AGBL1: variants seen among roughly 807,000 people sequenced by gnomAD.
AGBL1 encodes cytosolic carboxypeptidase 4.
AGBL1 carries 130 observed loss-of-function variants against 118.9 expected under a neutral mutation model. The observed-to-expected ratio is 1.09, with a 90% CI of 0.95 to 1.26. The LOEUF is 1.26. AGBL1 is among the 50% of genes most tolerant of loss of function. AGBL1 has a pLI of 0.00. For missense variants in AGBL1, 1,584 were observed against 1,298.1 expected (o/e 1.22, Z -3.38); for synonymous variants, 555 against 478.9 (o/e 1.16, Z -2.08).
At chr15:86,975,586 C>T (rs1264774332) in intron 23 of AGBL1, among the ~76,000 whole-genome samples, 1 of 152,130 alleles carries the variant, frequency 6.6e-6, no homozygotes, top group African/African-American at 2.4e-5. Context: ...TCCCATTGCT[C>T]TCCATGCTCC....
chr15:86,465,429 T>A (rs1398192635), intron 18 of AGBL1, among the ~76,000 whole-genome samples: 5 of 152,156 alleles, frequency 3.3e-5, no homozygotes, highest in Admixed American at 3.3e-4. Flanking sequence ...AAGAACAGGA[T>A]AACAGAGATT....
In AGBL1 at chr15:86,781,424, G is replaced by A. The variant is rs148444550; in HGVS notation, c.3158+106988G>A. ...ATGTAACACCTCCTTTGTGGGAGTTGATATAAGAATTTAGTAGCAAACATG... is the reference window on the plus strand; with the variant it reads ...ATGTAACACCTCCTTTGTGGGAGTTAATATAAGAATTTAGTAGCAAACATG... On this transcript the variant is annotated intron_variant, in intron 22 of 22. Coordinates refer to ENST00000614907, the MANE Select transcript of AGBL1 (RefSeq NM_001386094.1). 2.2e-3 allele frequency among the ~76,000 whole-genome samples: 336 copies of A among 151,892 alleles called. 2 individuals carry two copies. The highest frequency in any genetic ancestry group is 7.8e-3 in the African/African-American group (323 of 41,440).
intron 23 of AGBL1, among the ~76,000 whole-genome samples, chr15:86,968,690 A>G (rs958620419): frequency 1.3e-5 from 2 of 151,878 alleles, no homozygotes; most frequent in Non-Finnish European, 2.9e-5. Flanking sequence ...TGGATTCAAT[A>G]TCTCTGTGCC....
Position 86,516,177 on chromosome 15 carries a change from T to C in AGBL1, c.2556-6633T>C, listed in dbSNP as rs183222372. ...ACAGGGCAGAGAAAGCCATTATATA[T>C]GCATTTGTCTCAGGTGAACGGAGGG... On this transcript the variant is annotated intron_variant, in intron 18 of 22. Transcript: ENST00000614907. Among the ~76,000 whole-genome samples, 3 of 152,318 alleles carry C rather than the reference T, an allele frequency of 2.0e-5. No individual in the cohort carries two copies. In the East Asian group the frequency reaches 5.8e-4, roughly 29 times the overall value.
intron 1 of AGBL1, among the ~76,000 whole-genome samples, chr15:86,139,456 G>A (rs72750280): frequency 0.11 from 17,147 of 152,250 alleles, 1,305 homozygotes; most frequent in Middle Eastern, 0.22. Context: ...GAACATTTTA[G>A]TGGATTTCTG....
chr15:86,724,039 T>C (rs1383466984), intron 22 of AGBL1, among the ~76,000 whole-genome samples: 1 of 151,822 alleles, frequency 6.6e-6, no homozygotes. Flanking sequence ...ATCGAGACCA[T>C]CCTGGCTAAC....
At position 86,776,750 on chromosome 15, in the gene AGBL1, ATGTGTGTG is replaced by A. The variant is rs10570012; in HGVS notation, c.3158+102347_3158+102354del. ...CAATGGCTTAGAATTATATATATATATGTGTGTGTGTGTGTGTGTGTGTGTGTGTGTGT... is the reference window on the plus strand; with the variant it reads ...CAATGGCTTAGAATTATATATATATATGTGTGTGTGTGTGTGTGTGTGTGT... On this transcript the variant is annotated intron_variant, in intron 22 of 22. Coordinates refer to ENST00000614907, the MANE Select transcript of AGBL1 (RefSeq NM_001386094.1). 8.5e-3 allele frequency among the ~76,000 whole-genome samples: 1,185 copies of A among 139,710 alleles called. 11 individuals carry two copies. The highest frequency in any genetic ancestry group is 0.014 in the East Asian group (66 of 4,584). The allele number at this position is 139,710 out of a possible 152,430, so 91.7% of individuals were successfully genotyped here.
chr15:86,591,627 A>G (rs553951874), intron 21 of AGBL1, among the ~76,000 whole-genome samples: 1 of 152,340 alleles, frequency 6.6e-6, no homozygotes, highest in African/African-American at 2.4e-5. Flanking sequence ...GTATGGAGGA[A>G]GTGGCACAGA....
At chr15:86,687,793 G>T (rs1441420704) in intron 22 of AGBL1, among the ~76,000 whole-genome samples, 4 of 152,034 alleles carry the variant, frequency 2.6e-5, no homozygotes, top group Admixed American at 6.6e-5. Context: ...CTATGTTCAG[G>T]TGTTTCTATT....
At chr15:86,581,713 C>T (rs1453361541) in intron 21 of AGBL1, among the ~76,000 whole-genome samples, 1 of 152,058 alleles carries the variant, frequency 6.6e-6, no homozygotes, top group East Asian at 1.9e-4. Context: ...ATCAAATCTT[C>T]CTCTCCCCCA....
At chr15:86,755,763 T>C (rs2077929692) in intron 22 of AGBL1, among the ~76,000 whole-genome samples, 1 of 152,152 alleles carries the variant, frequency 6.6e-6, no homozygotes, top group African/African-American at 2.4e-5. Context: ...CCAGCTATTC[T>C]TTCCTATTAG....
At chr15:86,260,769 G>C (rs1348448912) in intron 9 of AGBL1, among the ~76,000 whole-genome samples, 3 of 152,164 alleles carry the variant, frequency 2.0e-5, no homozygotes, top group Non-Finnish European at 4.4e-5. Context: ...ATGTCCAAAA[G>C]CTCCAACCTA....
intron 21 of AGBL1, among the ~76,000 whole-genome samples, chr15:86,672,906 T>G (rs1376597473): frequency 6.6e-6 from 1 of 152,084 alleles, no homozygotes; most frequent in Non-Finnish European, 1.5e-5. Flanking sequence ...AACTTGAGGA[T>G]TTTCTACCTT....
chr15:86,966,837 A>AAT (rs1314184105), intron 23 of AGBL1, among the ~76,000 whole-genome samples: 5 of 152,106 alleles, frequency 3.3e-5, no homozygotes, highest in Non-Finnish European at 7.3e-5. Context: ...TTGGGTATAT[A>AAT]CCCAGTAATG....
At chr15:86,507,568 T>C (rs926848794) in intron 18 of AGBL1, among the ~76,000 whole-genome samples, 6 of 152,180 alleles carry the variant, frequency 3.9e-5, no homozygotes, top group African/African-American at 9.6e-5. Flanking sequence ...ATAGTGTTAA[T>C]TGTAGTGAAT....
At chr15:86,326,960 T>G (rs769394742) in intron 17 of AGBL1, among the ~76,000 whole-genome samples, 3 of 151,676 alleles carry the variant, frequency 2.0e-5, no homozygotes, top group African/African-American at 4.8e-5. Flanking sequence ...CACAGAGCAT[T>G]ATGAGGTCAT....
chr15:86,325,576 T>C (rs751857609), intron 17 of AGBL1, among the ~76,000 whole-genome samples: 3 of 152,102 alleles, frequency 2.0e-5, no homozygotes, highest in Non-Finnish European at 2.9e-5. Context: ...TGGGGAGTCT[T>C]CGCCTCTGCT....
At chr15:86,274,807 G>A (rs1442210591) in intron 15 of AGBL1, among the ~76,000 whole-genome samples, 1 of 152,068 alleles carries the variant, frequency 6.6e-6, no homozygotes, top group Non-Finnish European at 1.5e-5. Flanking sequence ...ATATTAAATA[G>A]TAGACAACTT....
At position 86,141,984 on chromosome 15, in the gene AGBL1, T is replaced by A; in HGVS notation, c.52-20T>A. 6.5e-7 allele frequency: 1 copy of A among 1,548,048 alleles called. No homozygotes were observed. Among genetic ancestry groups the A allele is most frequent in the East Asian group, 2.4e-5 (1 of 40,866 alleles). ...TTCCTCTTGCATTCTTAAATATGGC[T>A]GCCTGTGTTCTCATTGCAGAGCTCC... On this transcript the variant is annotated intron_variant, in intron 1 of 22. Coordinates refer to ENST00000614907, the MANE Select transcript of AGBL1 (RefSeq NM_001386094.1).
Sources: allele counts gnomAD v4.1 joint callset (sites outside exome capture counted in the v4.1 genomes callset), GRCh38; gene constraint gnomAD v4.1.1; transcripts MANE v1.5; gene names NCBI Gene and HGNC (gene_info 2026-07-23, HGNC 2026-07-21).